FRMPD3: variants seen among roughly 807,000 people sequenced by gnomAD.
The protein encoded by FRMPD3 is FERM and PDZ domain containing 3.
In FRMPD3, 42 loss-of-function variants were observed where a neutral mutation model predicts 97.9. The ratio of observed to expected loss-of-function variants is 0.43; its 90% CI spans 0.34 to 0.55. The LOEUF (loss-of-function observed/expected upper bound fraction) is 0.55. Ranked by LOEUF, FRMPD3 falls within the 20% of genes least tolerant of loss-of-function variation. The pLI is 0.03. For synonymous variants in FRMPD3, 577 were observed against 581.1 expected, an observed-to-expected ratio of 0.99 and a Z score of 0.10; for missense variants, 1,303 against 1,457.7, an observed-to-expected ratio of 0.89 and a Z score of 1.73.
rs1422042265 is a variant in FRMPD3 at position 107,601,622 on chromosome X, A to G, written c.3583A>G (p.Asn1195Asp). Reference protein sequence around the residue: ...MPSRKLETTLNGAHSTSEGPA... With the variant: ...MPSRKLETTLDGAHSTSEGPA... ...CTCTAGGAAGCTTGAAACAACTCTC[A>G]ATGGAGCCCACTCGACCTCTGAAGG... The change falls in exon 15 of 15, where the codon AAT becomes GAT. Residue 1195 changes from asparagine (N) to aspartate (D), a missense_variant. Transcript: ENST00000683843. The G allele has an allele frequency of 2.5e-6, 3 of 1,208,429 alleles. No individual in the cohort carries two copies. The African/African-American group carries it at 5.3e-5, about 21-fold the overall frequency.
At position 107,563,213 on chromosome X, in the gene FRMPD3, G is replaced by T. The variant is rs372462915; in HGVS notation, c.1116+13G>T. The T allele has an allele frequency of 6.8e-6, 8 of 1,183,872 alleles. No homozygotes were observed. Among genetic ancestry groups the T allele is most frequent in the Non-Finnish European group, 9.2e-6 (8 of 873,024 alleles). ...CACTGTAGGCCTGGTCAGTGGCGCA[G>T]GATTGGGGGATGTGGGGAGGGAGCC... On this transcript the variant is annotated intron_variant, in intron 11 of 14. Coordinates refer to ENST00000683843, the MANE Select transcript of FRMPD3 (RefSeq NM_001388459.1).
At chrX:107,565,155 T>C (rs1340782466) in intron 12 of FRMPD3, 89 bp downstream of exon 12, 3 of 896,001 alleles carry the variant, frequency 3.3e-6, no homozygotes, top group Non-Finnish European at 4.6e-6. Flanking sequence ...AATTGGAATC[T>C]GTTAGGTGAG....
intron 1 of FRMPD3, among the ~76,000 whole-genome samples, chrX:107,509,088 C>A (rs1001093954): frequency 8.9e-6 from 1 of 111,915 alleles, no homozygotes; most frequent in East Asian, 2.8e-4. Context: ...CCCGCTCCCC[C>A]CAGCTTGGCC....
At chrX:107,458,645 G>C (rs773132892) in intron 1 of FRMPD3, among the ~76,000 whole-genome samples, 34 of 111,907 alleles carry the variant, frequency 3.0e-4, no homozygotes, top group Non-Finnish European at 5.6e-4. Context: ...GGGAAAAAAT[G>C]ATTGGCTGGG....
chrX:107,545,406 GTCTA>G lies in FRMPD3; in HGVS notation c.298-327_298-324del, dbSNP rs757223040. ...ATAATAATAAAAAGACACCCTTTAG[GTCTA>G]TCTCACTGTAAGAAAACCAAATATA... On this transcript the variant is annotated intron_variant, in intron 4 of 14. Coordinates refer to ENST00000683843, the MANE Select transcript of FRMPD3 (RefSeq NM_001388459.1). 276 of 143,862 alleles carry G rather than the reference GTCTA, an allele frequency of 1.9e-3. 1 individual carries two copies. Among genetic ancestry groups the G allele is most frequent in the African/African-American group, 8.3e-3 (263 of 31,688 alleles). The allele number at this position is 143,862 out of a possible 1,213,427, so 11.9% of individuals were successfully genotyped here.
At chrX:107,550,283 G>A (rs1015955323) in intron 6 of FRMPD3, 127 bp downstream of exon 6, 1 of 486,229 alleles carries the variant, frequency 2.1e-6, no homozygotes, top group Non-Finnish European at 3.5e-6. Flanking sequence ...TTAAGCTCTG[G>A]ATGCTTGTTA....
At chrX:107,522,472 G>A (rs770179371) in intron 1 of FRMPD3, 10 of 556,128 alleles carry the variant, frequency 1.8e-5, no homozygotes, top group Non-Finnish European at 3.2e-5. Flanking sequence ...GATAGCCAGA[G>A]GGTCCAGGAC....
chrX:107,500,522 C>T (rs888596940), intron 1 of FRMPD3, among the ~76,000 whole-genome samples: 13 of 111,551 alleles, frequency 1.2e-4, no homozygotes, highest in South Asian at 7.5e-4. Context: ...GGCTGGGCGC[C>T]GTGGCTCATG....
At chrX:107,581,721 C>T (rs1923401097) in intron 13 of FRMPD3, among the ~76,000 whole-genome samples, 2 of 111,589 alleles carry the variant, frequency 1.8e-5, no homozygotes, top group Admixed American at 1.9e-4. Flanking sequence ...ATAGCTTTGC[C>T]TATGCTGGAC....
rs187581764 is a variant in FRMPD3 at position 107,563,895 on chromosome X, T to C, written c.1116+695T>C. Among the ~76,000 whole-genome samples the C allele has an allele frequency of 6.4e-3, 714 of 112,003 alleles. 10 individuals carry two copies. The highest frequency in any genetic ancestry group is 0.022 in the African/African-American group (669 of 30,822). ...AGGCTCTGGGGCAGGGCACAGCTGG[T>C]CCCACCCTAAGACTGTGCCCCAGGC... On this transcript the variant is annotated intron_variant, in intron 11 of 14. Transcript: ENST00000683843.
rs1569423695 is a variant in FRMPD3, at chrX:107,564,926, C to T, written c.1156C>T (p.Arg386Cys). Residue 386 changes from arginine to cysteine, a missense_variant, in exon 12 of 15, where the codon CGT (arginine) becomes TGT (cysteine). Arg to Cys is a radical substitution (Grantham distance 180). Coordinates refer to ENST00000683843, the MANE Select transcript of FRMPD3 (RefSeq NM_001388459.1). ...QSATTLLVGP[R>C]HGISHVIDLK... ...GGCCACCACGCTCCTGGTGGGACCC[C>T]GTCATGGCATCAGCCATGTTATTGA... is the stretch of plus-strand genomic sequence containing the variant. 8.3e-7 allele frequency: 1 copy of T among 1,210,680 alleles called. No individual in the cohort carries two copies. Among genetic ancestry groups the T allele is most frequent in the Non-Finnish European group, 1.1e-6 (1 of 895,245 alleles).
chrX:107,455,278 G>A (rs1482265388), intron 1 of FRMPD3, among the ~76,000 whole-genome samples: 5 of 112,168 alleles, frequency 4.5e-5, no homozygotes, highest in East Asian at 2.8e-4. Flanking sequence ...TTTGGGGCTG[G>A]GTGTGGTGGC....
intron 1 of FRMPD3, among the ~76,000 whole-genome samples, chrX:107,507,532 C>T (rs1455154368): frequency 9.0e-6 from 1 of 111,691 alleles, no homozygotes; most frequent in Non-Finnish European, 1.9e-5. Flanking sequence ...CCTCTCCCAC[C>T]CCTGCCCCTC....
chrX:107,602,847 C>T lies in FRMPD3; in HGVS notation c.4808C>T (p.Thr1603Ile). The T allele has an allele frequency of 8.3e-7, 1 of 1,210,195 alleles. No homozygotes were observed. The highest frequency in any genetic ancestry group is 1.1e-6 in the Non-Finnish European group (1 of 894,969). Residue 1603 changes from threonine (T) to isoleucine (I), a missense_variant, in exon 15 of 15, where the codon ACA becomes ATA. Transcript: ENST00000683843. Reference sequence around the variant, plus strand: ...CGGCTGGACACCAACGAGCTGCTGACAGTCCTGCGGCAGTGTGTGGCCAGC... The same window carrying T: ...CGGCTGGACACCAACGAGCTGCTGATAGTCCTGCGGCAGTGTGTGGCCAGC... ...AARLDTNELL[T>I]VLRQCVASPE... is the part of the protein sequence containing the mutation.
rs1310737958 is a variant in FRMPD3, at chrX:107,603,095, C to A, written c.5056C>A (p.Arg1686Ser). 8.3e-7 allele frequency: 1 copy of A among 1,210,566 alleles called. No individual in the cohort carries two copies. Among genetic ancestry groups the A allele is most frequent in the South Asian group, 1.8e-5 (1 of 56,954 alleles). ...LVFIVRSEAQ[R>S]QELLAKVEEV... ...GTTCATTGTGCGCTCCGAGGCCCAG[C>A]GCCAAGAGCTGCTGGCCAAGGTAGA... The change falls in exon 15 of 15, where the codon CGC becomes AGC. Residue 1686 changes from arginine to serine, a missense_variant. Transcript: ENST00000683843.
chrX:107,452,266 G>A (rs1015863332), intron 1 of FRMPD3, among the ~76,000 whole-genome samples: 2 of 111,444 alleles, frequency 1.8e-5, no homozygotes, highest in African/African-American at 6.5e-5. Context: ...CAGAAGGTGA[G>A]ATGTAATTGT....
chrX:107,493,166 C>T (rs1602759889), intron 1 of FRMPD3, among the ~76,000 whole-genome samples: 2 of 60,421 alleles, frequency 3.3e-5, no homozygotes, highest in East Asian at 5.3e-4. Flanking sequence ...GGTGACAAAG[C>T]GAGACCCTGT....
intron 4 of FRMPD3, 21 bp downstream of exon 4, chrX:107,533,571 T>TCTGC: frequency 8.4e-7 from 1 of 1,189,152 alleles, no homozygotes; most frequent in South Asian, 1.8e-5. Context: ...CTCTTTGCCA[T>TCTGC]CTGCCCTTCC....
Position 107,512,085 on chromosome X carries a change from A to G in FRMPD3, c.-7-14497A>G, listed in dbSNP as rs1922182829. 2.8e-5 allele frequency among the ~76,000 whole-genome samples: 3 copies of G among 108,902 alleles called. No individual in the cohort carries two copies. In the South Asian group the frequency reaches 1.2e-3, roughly 44 times the overall value. The allele number at this position is 108,902 out of a possible 115,157, so 94.6% of individuals were successfully genotyped here. A position where few individuals can be genotyped will look rare whatever the true frequency, so the allele number is the denominator to read the frequency against. On this transcript the variant is annotated intron_variant, in intron 1 of 14. Coordinates refer to ENST00000683843, the MANE Select transcript of FRMPD3 (RefSeq NM_001388459.1). ...CACACACACACACACTCACACTCAC[A>G]CTACAGCCTCCGGTGAGTGGGAAAT...
Sources: gnomAD v4.1 joint callset for allele counts (sites outside exome capture counted in the v4.1 genomes callset) on GRCh38, gnomAD v4.1.1 for gene constraint, MANE v1.5 for transcripts, NCBI Gene and HGNC (gene_info 2026-07-23, HGNC 2026-07-21) for gene names.